Variants in GRIK4 observed in about 807,000 individuals in gnomAD.
GRIK4 encodes glutamate receptor ionotropic, kainate 4.
GRIK4 carries 40 observed loss-of-function variants against 104.9 expected under a neutral mutation model. That is an observed-to-expected ratio of 0.38 (90% CI 0.30 to 0.50). The LOEUF is 0.50. GRIK4 is among the 20% of genes least tolerant of loss of function. The pLI is 0.93. For missense variants in GRIK4, 1,047 were observed against 1,308.1 expected (o/e 0.80, Z 3.08); for synonymous variants, 485 against 524.9 (o/e 0.92, Z 1.04).
intron 1 of GRIK4, among the ~76,000 whole-genome samples, chr11:120,563,179 T>C (rs1948262039): frequency 6.6e-6 from 1 of 152,200 alleles, no homozygotes; most frequent in Non-Finnish European, 1.5e-5. Flanking sequence ...ATACTCGCAG[T>C]GTCTAGTATC....
At position 120,971,909 on chromosome 11, in the gene GRIK4, T is replaced by C. The variant is rs115484468; in HGVS notation, c.2395+4586T>C. Among the ~76,000 whole-genome samples the C allele has an allele frequency of 3.4e-3, 517 of 152,320 alleles. 5 individuals carry two copies. The highest frequency in any genetic ancestry group is 0.012 in the African/African-American group (503 of 41,578). On this transcript the variant is annotated intron_variant, in intron 19 of 20. Coordinates refer to ENST00000527524, the MANE Select transcript of GRIK4 (RefSeq NM_014619.5). ...GAAAACCGGGTAAAGGTACTTGGAC[T>C]GCAACCAATCTGTCTCACGCTTTTT...
chr11:120,550,495 G>A (rs1000177803), intron 1 of GRIK4, among the ~76,000 whole-genome samples: 4 of 152,074 alleles, frequency 2.6e-5, no homozygotes, highest in African/African-American at 9.7e-5. Flanking sequence ...GGGAGTCATC[G>A]GTGTTTAAGA....
chr11:120,634,873 A>G (rs1217870699), intron 1 of GRIK4, among the ~76,000 whole-genome samples: 5 of 151,990 alleles, frequency 3.3e-5, no homozygotes, highest in Non-Finnish European at 7.4e-5. Flanking sequence ...CTGCTACTTG[A>G]CTTGAGCAGG....
intron 6 of GRIK4, among the ~76,000 whole-genome samples, chr11:120,830,203 A>G (rs1202647845): frequency 1.3e-5 from 2 of 150,438 alleles, no homozygotes; most frequent in African/African-American, 2.5e-5. Flanking sequence ...AAAAAAAAAA[A>G]GCACAGACAC....
intron 1 of GRIK4, among the ~76,000 whole-genome samples, chr11:120,523,647 G>A (rs1056554601): frequency 7.9e-5 from 12 of 152,216 alleles, no homozygotes; most frequent in Non-Finnish European, 1.6e-4. Flanking sequence ...CACCGACACA[G>A]GGTCACACAG....
At chr11:120,732,790 GAGA>G (rs987053346) in intron 3 of GRIK4, among the ~76,000 whole-genome samples, 26 of 152,200 alleles carry the variant, frequency 1.7e-4, no homozygotes, top group African/African-American at 6.3e-4. Context: ...TCCACGTGCT[GAGA>G]AGAAGAATGT....
Position 120,819,828 on chromosome 11 carries a change from A to C in GRIK4, c.419A>C (p.His140Pro). The C allele has an allele frequency of 6.2e-7, 1 of 1,613,970 alleles. No homozygotes were observed. Among genetic ancestry groups the C allele is most frequent in the Non-Finnish European group, 8.5e-7 (1 of 1,179,916 alleles). Residue 140 changes from histidine (H) to proline (P), a missense_variant, in exon 6 of 21, where the codon CAC becomes CCC. Coordinates refer to ENST00000527524, the MANE Select transcript of GRIK4 (RefSeq NM_014619.5). This position sits in a 1 kb window ranked among gnomAD's most constrained non-coding sequence, Gnocchi z 4.3. Reference sequence around the variant, plus strand: ...CAGAGATTCACAACCCTGAACCTCCACCCCAGCAACACTGACATCAGCGTG... The same window carrying C: ...CAGAGATTCACAACCCTGAACCTCCCCCCCAGCAACACTGACATCAGCGTG... ...QFQRFTTLNL[H>P]PSNTDISVAV...
intron 1 of GRIK4, among the ~76,000 whole-genome samples, chr11:120,548,611 G>A (rs77998262): frequency 0.033 from 4,967 of 152,174 alleles, 119 homozygotes; most frequent in East Asian, 0.089. Context: ...TGAATGGCCC[G>A]ACATGATCCT....
At chr11:120,667,835 G>T (rs1160483301) in intron 3 of GRIK4, among the ~76,000 whole-genome samples, 1 of 152,226 alleles carries the variant, frequency 6.6e-6, no homozygotes, top group African/African-American at 2.4e-5. Context: ...TGGGCAGACA[G>T]TGCCACTGTG....
At chr11:120,829,730 T>C (rs1039834035) in intron 6 of GRIK4, among the ~76,000 whole-genome samples, 4 of 152,228 alleles carry the variant, frequency 2.6e-5, no homozygotes, top group Non-Finnish European at 5.9e-5. Flanking sequence ...TTGCCCATTC[T>C]ACAGATGAAG....
chr11:120,776,505 AC>A (rs1286101416), intron 3 of GRIK4, among the ~76,000 whole-genome samples: 1 of 152,244 alleles, frequency 6.6e-6, no homozygotes, highest in Non-Finnish European at 1.5e-5. Context: ...GCAGGAGATC[AC>A]TGGATGCTCT....
chr11:120,656,188 C>T (rs1949707740), intron 2 of GRIK4, among the ~76,000 whole-genome samples: 1 of 152,130 alleles, frequency 6.6e-6, no homozygotes, highest in South Asian at 2.1e-4. Flanking sequence ...AAAGAAGACC[C>T]CAAATGTCTT....
At chr11:120,868,236 A>G (rs1322870254) in intron 9 of GRIK4, 1 of 152,248 alleles carries the variant, frequency 6.6e-6, no homozygotes, top group African/African-American at 2.4e-5. Context: ...AGAGCCTTGC[A>G]TTCCCCTAAA....
At position 120,517,456 on chromosome 11, in the gene GRIK4, G is replaced by T. The variant is rs948097057; in HGVS notation, c.-159+5569G>T. ...GGCTGGCATCGTTTGCCCCAGGGAG[G>T]CCATGGGCAGGCCCCCTGAGGCAAA... On this transcript the variant is annotated intron_variant, in intron 1 of 20. Transcript: ENST00000527524. Among the ~76,000 whole-genome samples, 4 of 148,550 alleles carry T rather than the reference G, an allele frequency of 2.7e-5. 1 individual carries two copies. The highest frequency in any genetic ancestry group is 1.0e-4 in the African/African-American group (4 of 39,170).
chr11:120,954,308 T>C (rs1329636494), intron 15 of GRIK4, among the ~76,000 whole-genome samples: 3 of 152,012 alleles, frequency 2.0e-5, no homozygotes, highest in African/African-American at 7.3e-5. Flanking sequence ...TTTTCAAACG[T>C]GGCAGAGTTT....
chr11:120,670,122 C>T (rs1003139527), intron 3 of GRIK4, among the ~76,000 whole-genome samples: 12 of 152,228 alleles, frequency 7.9e-5, no homozygotes, highest in Admixed American at 7.2e-4. Context: ...ATCAACAGTC[C>T]TGTTGGCTCT....
chr11:120,793,711 G>C (rs1223023914), intron 3 of GRIK4, among the ~76,000 whole-genome samples: 32 of 152,082 alleles, frequency 2.1e-4, no homozygotes, highest in Non-Finnish European at 4.4e-5. Flanking sequence ...AGTGGTTACA[G>C]GTGAAGGGTG....
intron 8 of GRIK4, among the ~76,000 whole-genome samples, chr11:120,859,540 A>T (rs758412343): frequency 1.3e-5 from 2 of 152,146 alleles, no homozygotes; most frequent in Non-Finnish European, 2.9e-5. Flanking sequence ...AGTTGGGCTG[A>T]TGTGTCTGCC....
intron 1 of GRIK4, among the ~76,000 whole-genome samples, chr11:120,552,408 C>T (rs1347337761): frequency 6.6e-6 from 1 of 152,166 alleles, no homozygotes; most frequent in African/African-American, 2.4e-5. Context: ...TTCCCCAACA[C>T]CTTGTTTTCT....
Sources: gnomAD v4.1 joint callset for allele counts (sites outside exome capture counted in the v4.1 genomes callset) on GRCh38, gnomAD v4.1.1 for gene constraint, Gnocchi (gnomAD v3.1) non-coding constraint, MANE v1.5 for transcripts, NCBI Gene and HGNC (gene_info 2026-07-23, HGNC 2026-07-21) for gene names.